Variants in ATG5 observed in about 807,000 individuals in gnomAD.
The protein encoded by ATG5 is autophagy protein 5.
ATG5 carries 14 observed loss-of-function variants against 36.5 expected under a neutral mutation model. The ratio of observed to expected loss-of-function variants is 0.38; its 90% CI spans 0.25 to 0.60. The LOEUF (loss-of-function observed/expected upper bound fraction) is 0.60, where lower values mean the gene tolerates loss of function less well. Among genes scored for constraint, ATG5 ranks in the 20% least tolerant of loss-of-function variants. ATG5 has a pLI of 0.60. For synonymous variants in ATG5, 95 were observed against 101.5 expected (o/e 0.94, Z 0.38); for missense variants, 195 against 326.7 (o/e 0.60, Z 3.11).
chr6:106,295,839 T>C (rs1458331737), intron 3 of ATG5, among the ~76,000 whole-genome samples: 10 of 152,164 alleles, frequency 6.6e-5, no homozygotes, highest in Admixed American at 5.2e-4. Context: ...AATGAGATTA[T>C]AGGCATGAGC....
intron 6 of ATG5, among the ~76,000 whole-genome samples, chr6:106,224,749 T>C (rs1777384483): frequency 6.6e-6 from 1 of 151,974 alleles, no homozygotes; most frequent in Admixed American, 6.6e-5. Flanking sequence ...GGTGTGGTGG[T>C]GCATGCCTGT....
rs535516947 is a variant in ATG5 at position 106,222,998 on chromosome 6, C to T, written c.574-20909G>A. On this transcript the variant is annotated intron_variant, in intron 6 of 7. Transcript: ENST00000369076. ...TTAAAAATATTGAATAAAACAATGA[C>T]CTAGCTTAGTAAATAAATTCATAAT... Among the ~76,000 whole-genome samples the T allele has an allele frequency of 9.9e-5, 15 of 152,230 alleles. No individual in the cohort carries two copies. In the East Asian group the frequency reaches 2.7e-3, roughly 27 times the overall value.
intron 6 of ATG5, among the ~76,000 whole-genome samples, chr6:106,242,100 A>G (rs1050003856): frequency 1.3e-5 from 2 of 151,892 alleles, no homozygotes; most frequent in Non-Finnish European, 2.9e-5. Flanking sequence ...GCCTTTAAAA[A>G]GTGGAAATTA....
intron 6 of ATG5, among the ~76,000 whole-genome samples, chr6:106,213,101 C>G (rs185082437): frequency 4.3e-4 from 65 of 152,220 alleles, no homozygotes; most frequent in Admixed American, 3.3e-4. Flanking sequence ...AATAGTAGTA[C>G]CCAAGTGCAG....
intron 1 of ATG5, among the ~76,000 whole-genome samples, chr6:106,324,440 G>T (rs189396568): frequency 6.6e-6 from 1 of 152,166 alleles, no homozygotes; most frequent in Non-Finnish European, 1.5e-5. Context: ...TCCCACAGAT[G>T]CCGAGGGACA....
chr6:106,310,470 T>C (rs2787548), intron 2 of ATG5, among the ~76,000 whole-genome samples: 12,857 of 152,122 alleles, frequency 0.085, 572 homozygotes, highest in South Asian at 0.13. Flanking sequence ...AAAGACATCA[T>C]CTTCTTGTCT....
intron 1 of ATG5, among the ~76,000 whole-genome samples, chr6:106,322,873 C>A (rs922616030): frequency 6.6e-6 from 1 of 152,182 alleles, no homozygotes; most frequent in Non-Finnish European, 1.5e-5. Context: ...TTAACATATG[C>A]AAAACGGAAA....
At chr6:106,197,088 C>G (rs1164491246) in intron 7 of ATG5, among the ~76,000 whole-genome samples, 1 of 152,156 alleles carries the variant, frequency 6.6e-6, no homozygotes, top group Non-Finnish European at 1.5e-5. Flanking sequence ...CAGATCATTA[C>G]AGAACACATT....
At chr6:106,291,439 G>A (rs990798489) in intron 4 of ATG5, among the ~76,000 whole-genome samples, 18 of 152,270 alleles carry the variant, frequency 1.2e-4, no homozygotes, top group East Asian at 9.6e-4. Flanking sequence ...TTAACACAAC[G>A]GGAAGGGCCA....
chr6:106,314,892 T>C (rs1361236891), intron 2 of ATG5, among the ~76,000 whole-genome samples: 12 of 152,152 alleles, frequency 7.9e-5, no homozygotes, highest in Non-Finnish European at 5.9e-5. Context: ...ATTACTCACG[T>C]GTATATAAGC....
intron 1 of ATG5, among the ~76,000 whole-genome samples, chr6:106,323,740 C>T (rs1771191083): frequency 6.6e-6 from 1 of 152,194 alleles, no homozygotes; most frequent in South Asian, 2.1e-4. Context: ...GCACCTGCTG[C>T]ATACAGTCAA....
intron 1 of ATG5, among the ~76,000 whole-genome samples, chr6:106,319,503 T>G (rs975361132): frequency 6.6e-6 from 1 of 152,214 alleles, no homozygotes; most frequent in Non-Finnish European, 1.5e-5. Flanking sequence ...CTAAACATAC[T>G]ATGCACTTTC....
chr6:106,275,209 A>G (rs1779594433), intron 5 of ATG5, among the ~76,000 whole-genome samples: 1 of 152,226 alleles, frequency 6.6e-6, no homozygotes, highest in Non-Finnish European at 1.5e-5. Context: ...AGAATAGAAA[A>G]CATCCACCTT....
intron 6 of ATG5, among the ~76,000 whole-genome samples, chr6:106,218,839 T>A (rs972057605): frequency 6.6e-6 from 1 of 152,188 alleles, no homozygotes; most frequent in Admixed American, 6.5e-5. Flanking sequence ...TGTAAGTTAA[T>A]ACAGGTATTT....
chr6:106,298,619 G>A (rs1770076995), intron 3 of ATG5, among the ~76,000 whole-genome samples: 1 of 152,036 alleles, frequency 6.6e-6, no homozygotes, highest in African/African-American at 2.4e-5. Flanking sequence ...TAATCATCCT[G>A]TTATGATTTT....
At chr6:106,290,167 G>C (rs917193230) in intron 4 of ATG5, among the ~76,000 whole-genome samples, 1 of 150,950 alleles carries the variant, frequency 6.6e-6, no homozygotes, top group Non-Finnish European at 1.5e-5. Flanking sequence ...GCTGGGACTA[G>C]AGGTGCATGC....
At chr6:106,247,871 G>A (rs939751059) in intron 6 of ATG5, among the ~76,000 whole-genome samples, 1 of 152,132 alleles carries the variant, frequency 6.6e-6, no homozygotes, top group Non-Finnish European at 1.5e-5. Context: ...CTGAATGACC[G>A]TAAAAGTGCT....
rs1340390020 is a variant in ATG5, at chr6:106,319,693, G to GT, written c.-58-3428dup. Among the ~76,000 whole-genome samples, 4 of 152,194 alleles carry GT rather than the reference G, an allele frequency of 2.6e-5. No individual in the cohort carries two copies. The East Asian group carries it at 7.7e-4, about 29-fold the overall frequency. On this transcript the variant is annotated intron_variant, in intron 1 of 7. Coordinates refer to ENST00000369076, the MANE Select transcript of ATG5 (RefSeq NM_004849.4). ...GCACCTCTACTTTTCCTCTACCCTT[G>GT]TAAGTTTTTATCAATAGTATTTATT...
intron 2 of ATG5, among the ~76,000 whole-genome samples, chr6:106,314,880 A>G (rs767417728): frequency 6.6e-6 from 1 of 152,244 alleles, no homozygotes; most frequent in Non-Finnish European, 1.5e-5. Flanking sequence ...TCCAAAGTTA[A>G]GATTACTCAC....
Sources: allele counts gnomAD v4.1 joint callset (sites outside exome capture counted in the v4.1 genomes callset), GRCh38; gene constraint gnomAD v4.1.1; transcripts MANE v1.5; gene names NCBI Gene and HGNC (gene_info 2026-07-23, HGNC 2026-07-21).